Variants in DEUP1 observed in about 807,000 individuals in gnomAD.
The protein encoded by DEUP1 is deuterosome assembly protein 1.
A neutral mutation model predicts 87.4 loss-of-function variants in DEUP1; 82 were observed. That is an observed-to-expected ratio of 0.94 (90% CI 0.78 to 1.13). The LOEUF (loss-of-function observed/expected upper bound fraction) is 1.13, where lower values mean the gene tolerates loss of function less well. Ranked by LOEUF, DEUP1 falls within the 50% of genes most tolerant of loss-of-function variation. The probability of loss-of-function intolerance (pLI) is 0.00; values close to 1 mark genes in which losing one functional copy is unlikely to be tolerated. For missense variants in DEUP1, 663 were observed against 681.5 expected (o/e 0.97, Z 0.30); for synonymous variants, 214 against 222.7 (o/e 0.96, Z 0.35).
chr11:93,414,340 C>T (rs1237479450), intron 12 of DEUP1, among the ~76,000 whole-genome samples: 5 of 152,038 alleles, frequency 3.3e-5, no homozygotes, highest in Non-Finnish European at 5.9e-5. Context: ...GGTGAAGCCC[C>T]ATCTCTACTA....
chr11:93,355,387 G>A lies in DEUP1; in HGVS notation c.46G>A (p.Ala16Thr). ...AATTGCCAGAACTTCTCCTTGTGAG[G>A]CTGAGCTTCAGGAATTAATGGAACA... Reference protein sequence around the residue: ...HNTMGTSPCEAELQELMEQID... With the variant: ...HNTMGTSPCETELQELMEQID... The change falls in exon 3 of 14, where the codon GCT becomes ACT. Residue 16 changes from alanine (A) to threonine (T), a missense_variant. Coordinates refer to ENST00000298050, the MANE Select transcript of DEUP1 (RefSeq NM_181645.4). 1 of 1,613,352 alleles carries A rather than the reference G, an allele frequency of 6.2e-7. No individual in the cohort carries two copies. The highest frequency in any genetic ancestry group is 8.5e-7 in the Non-Finnish European group (1 of 1,179,650).
chr11:93,341,166 C>T (rs1944051655), intron 2 of DEUP1, among the ~76,000 whole-genome samples: 1 of 151,998 alleles, frequency 6.6e-6, no homozygotes, highest in South Asian at 2.1e-4. Context: ...GCCTGTAATC[C>T]CAATGCTTTG....
chr11:93,345,419 T>C (rs1944297478), intron 2 of DEUP1, among the ~76,000 whole-genome samples: 1 of 152,208 alleles, frequency 6.6e-6, no homozygotes. Flanking sequence ...TTTTAGGTCT[T>C]TGAGGAATCA....
chr11:93,417,618 T>C (rs1256608440), intron 13 of DEUP1, among the ~76,000 whole-genome samples: 6 of 152,066 alleles, frequency 3.9e-5, no homozygotes, highest in African/African-American at 9.7e-5. Flanking sequence ...AGGTAATTTA[T>C]AGATTCAGTG....
At chr11:93,360,905 C>CAAAAAAAAAAAAAAAAAA (rs35572726) in intron 4 of DEUP1, among the ~76,000 whole-genome samples, 1 of 82,410 alleles carries the variant, frequency 1.2e-5, no homozygotes, top group African/African-American at 4.7e-5. Context: ...CAAAACTTAG[C>CAAAAAAAAAAAAAAAAAA]AAAAAAAAAA....
intron 13 of DEUP1, among the ~76,000 whole-genome samples, chr11:93,429,470 T>C (rs1948036875): frequency 6.6e-6 from 1 of 152,194 alleles, no homozygotes; most frequent in South Asian, 2.1e-4. Flanking sequence ...TCCACTGTGC[T>C]AGTGTCAGAT....
At chr11:93,331,016 T>C (rs1265821175) in intron 1 of DEUP1, among the ~76,000 whole-genome samples, 2 of 152,210 alleles carry the variant, frequency 1.3e-5, no homozygotes, top group African/African-American at 4.8e-5. Context: ...TGGGCTTCAG[T>C]TGTGTGGCCT....
chr11:93,428,740 T>C (rs148337866), intron 13 of DEUP1, among the ~76,000 whole-genome samples: 5 of 152,300 alleles, frequency 3.3e-5, no homozygotes, highest in Non-Finnish European at 7.4e-5. Context: ...AAGAAATTCA[T>C]CTCTTTTGTA....
chr11:93,396,478 T>A (rs1293813396), intron 11 of DEUP1, 153 bp downstream of exon 11: 16 of 557,780 alleles, frequency 2.9e-5, no homozygotes, highest in Non-Finnish European at 4.4e-5. Context: ...GTTACTTTTA[T>A]CCTCAGGCTA....
At chr11:93,359,503 G>C (rs187881689) in intron 4 of DEUP1, among the ~76,000 whole-genome samples, 25 of 152,268 alleles carry the variant, frequency 1.6e-4, no homozygotes, top group Non-Finnish European at 2.4e-4. Flanking sequence ...GGAGAGAAGA[G>C]ACAGATTGGC....
At chr11:93,339,900 A>G (rs1442484873) in intron 2 of DEUP1, among the ~76,000 whole-genome samples, 1 of 152,148 alleles carries the variant, frequency 6.6e-6, no homozygotes, top group Non-Finnish European at 1.5e-5. Context: ...AACTTCCACC[A>G]CTGTCTGGCA....
At position 93,437,968 on chromosome 11, in the gene DEUP1, G is replaced by T; in HGVS notation, c.*249G>T. The T allele has an allele frequency of 3.8e-6, 1 of 263,902 alleles. No homozygotes were observed. The highest frequency in any genetic ancestry group is 7.1e-6 in the Non-Finnish European group (1 of 140,018). The allele number at this position is 263,902 out of a possible 1,614,324, so 16.3% of individuals were successfully genotyped here. Reference sequence around the variant, plus strand: ...AAATAAACATGACTATTCCAAAAGAGATTTTTTTCCAGTCTAAGGAATATT... The same window carrying T: ...AAATAAACATGACTATTCCAAAAGATATTTTTTTCCAGTCTAAGGAATATT... On this transcript the variant is annotated 3_prime_UTR_variant, in exon 14 of 14. Coordinates refer to ENST00000298050, the MANE Select transcript of DEUP1 (RefSeq NM_181645.4).
chr11:93,357,606 T>G (rs1402777663), intron 4 of DEUP1: 1 of 152,342 alleles, frequency 6.6e-6, no homozygotes, highest in East Asian at 1.9e-4. Flanking sequence ...TTACCACAGA[T>G]AGCACGTAGG....
At chr11:93,381,307 ATATATGTATTTG>A (rs1946293683) in intron 7 of DEUP1, among the ~76,000 whole-genome samples, 1 of 152,234 alleles carries the variant, frequency 6.6e-6, no homozygotes, top group Non-Finnish European at 1.5e-5. Context: ...ACTATAACCA[ATATATGTATTTG>A]GAAAGAAGTT....
chr11:93,387,174 A>G lies in DEUP1; in HGVS notation c.935+1631A>G, dbSNP rs558421462. 1.6e-4 allele frequency among the ~76,000 whole-genome samples: 24 copies of G among 152,294 alleles called. 1 individual carries two copies. In the South Asian group the frequency reaches 5.0e-3, roughly 32 times the overall value. ...AAAAGGTATAAGTTTAACTTTTCAC[A>G]ACTTCCATTGTATTTTAGAATTCTT... On this transcript the variant is annotated intron_variant, in intron 8 of 13. Coordinates refer to ENST00000298050, the MANE Select transcript of DEUP1 (RefSeq NM_181645.4).
intron 13 of DEUP1, among the ~76,000 whole-genome samples, chr11:93,419,458 A>T (rs565817966): frequency 1.3e-5 from 2 of 152,292 alleles, no homozygotes; most frequent in Admixed American, 1.3e-4. Context: ...GGCTAATCAG[A>T]AGTCAACATG....
intron 9 of DEUP1, among the ~76,000 whole-genome samples, chr11:93,392,733 A>G (rs1015444583): frequency 1.3e-5 from 2 of 150,654 alleles, no homozygotes; most frequent in African/African-American, 4.9e-5. Flanking sequence ...AGGTGAAATG[A>G]AAAAAAAAAT....
chr11:93,346,841 G>C (rs1388356925), intron 2 of DEUP1, among the ~76,000 whole-genome samples: 2 of 152,154 alleles, frequency 1.3e-5, no homozygotes, highest in Non-Finnish European at 2.9e-5. Context: ...TTGGCTCTCA[G>C]CTTAACTGTT....
intron 12 of DEUP1, among the ~76,000 whole-genome samples, chr11:93,413,142 C>T (rs1342810631): frequency 6.6e-6 from 1 of 151,738 alleles, no homozygotes; most frequent in Non-Finnish European, 1.5e-5. Context: ...ACTATGAAGG[C>T]TTTGAAAAGG....
Sources: allele counts gnomAD v4.1 joint callset (sites outside exome capture counted in the v4.1 genomes callset), GRCh38; gene constraint gnomAD v4.1.1; transcripts MANE v1.5; gene names NCBI Gene and HGNC (gene_info 2026-07-23, HGNC 2026-07-21).